The following EPN2 variants were observed in gnomAD, a reference collection of about 807,000 sequenced individuals.
The protein encoded by EPN2 is epsin 2.
Under a neutral mutation model 61.7 loss-of-function variants are expected in EPN2, and 34 were observed. That is an observed-to-expected ratio of 0.55 (90% CI 0.42 to 0.73). The LOEUF is 0.73. Among genes scored for constraint, EPN2 ranks in the 30% least tolerant of loss-of-function variants. The pLI is 0.00. For missense variants in EPN2, 714 were observed against 839.2 expected (o/e 0.85, Z 1.84); for synonymous variants, 349 against 353.6 (o/e 0.99, Z 0.15).
chr17:19,333,822 T>G, intron 10 of EPN2, 134 bp from the exon 11 acceptor site: 2 of 619,932 alleles, frequency 3.2e-6, no homozygotes, highest in Non-Finnish European at 5.4e-6. Context: ...GTGTCTGCCA[T>G]GGACTCGGCC....
intron 1 of EPN2, among the ~76,000 whole-genome samples, chr17:19,262,392 C>A (rs1419381534): frequency 6.6e-6 from 1 of 151,280 alleles, no homozygotes; most frequent in African/African-American, 2.4e-5. Context: ...GCAGGAGAAT[C>A]GCTTGGACCC....
intron 1 of EPN2, among the ~76,000 whole-genome samples, chr17:19,277,718 A>G (rs1277274167): frequency 6.6e-6 from 1 of 152,148 alleles, no homozygotes; most frequent in Non-Finnish European, 1.5e-5. Flanking sequence ...CGGTTGGAAT[A>G]ATTAGTTTCA....
chr17:19,304,890 G>A (rs778130585), intron 4 of EPN2, among the ~76,000 whole-genome samples: 9 of 152,136 alleles, frequency 5.9e-5, no homozygotes, highest in Non-Finnish European at 1.3e-4. Flanking sequence ...GTCTTCTCAC[G>A]CCCCCAAGGC....
At chr17:19,252,116 G>T (rs1353565698) in intron 1 of EPN2, among the ~76,000 whole-genome samples, 1 of 151,998 alleles carries the variant, frequency 6.6e-6, no homozygotes, top group African/African-American at 2.4e-5. Context: ...TTTGGATTTT[G>T]GATTTTCACA....
At position 19,313,225 on chromosome 17, in the gene EPN2, C is replaced by G. The variant is rs114905963; in HGVS notation, c.1093C>G (p.Pro365Ala). 11 of 1,598,250 alleles carry G rather than the reference C, an allele frequency of 6.9e-6. No homozygotes were observed. Among genetic ancestry groups the G allele is most frequent in the Non-Finnish European group, 8.5e-6 (10 of 1,174,698 alleles). The part of the protein sequence containing the change: ...GPSASTNQTN[P>A]WGGPAAPAST... ...GTCAGCCTCCACTAACCAGACCAAC[C>G]CCTGGGGCGGGCCAGCGGCTCCTGC... Residue 365 changes from proline (P) to alanine (A), a missense_variant, in exon 7 of 11, where the codon CCC becomes GCC. Coordinates refer to ENST00000314728, the MANE Select transcript of EPN2 (RefSeq NM_014964.5).
At chr17:19,248,398 G>C (rs1307503305) in intron 1 of EPN2, 1 of 152,182 alleles carries the variant, frequency 6.6e-6, no homozygotes, top group Admixed American at 6.5e-5. Flanking sequence ...GTTCTTATCT[G>C]TTCTCTCAAG....
chr17:19,328,250 A>C (rs1906987271), intron 7 of EPN2, among the ~76,000 whole-genome samples: 1 of 152,144 alleles, frequency 6.6e-6, no homozygotes. Flanking sequence ...CTCAAAGCAC[A>C]TGGGGAGAGG....
chr17:19,300,600 GT>G (rs1484793224), intron 4 of EPN2, among the ~76,000 whole-genome samples: 2 of 151,836 alleles, frequency 1.3e-5, no homozygotes, highest in African/African-American at 4.8e-5. Context: ...GGCTAATTTT[GT>G]ATTTTTAGTA....
intron 7 of EPN2, among the ~76,000 whole-genome samples, chr17:19,318,964 A>G (rs979980130): frequency 6.6e-6 from 1 of 152,150 alleles, no homozygotes. Flanking sequence ...TAGGAGGCCA[A>G]GTTTGGCAGA....
intron 1 of EPN2, among the ~76,000 whole-genome samples, chr17:19,244,733 TTA>T (rs1320797338): frequency 2.6e-5 from 4 of 152,182 alleles, no homozygotes; most frequent in Non-Finnish European, 5.9e-5. Context: ...GTGCGAGGCC[TTA>T]TATTACTAAT....
chr17:19,304,809 ACTAT>A (rs1905745861), intron 4 of EPN2, among the ~76,000 whole-genome samples: 2 of 152,104 alleles, frequency 1.3e-5, no homozygotes, highest in Admixed American at 1.3e-4. Flanking sequence ...TGCTCTTTCC[ACTAT>A]CTGGTCTTCC....
At chr17:19,304,778 G>T (rs76508304) in intron 4 of EPN2, among the ~76,000 whole-genome samples, 1,973 of 152,322 alleles carry the variant, frequency 0.013, 30 homozygotes, top group South Asian at 0.066. Flanking sequence ...TCAGCGGTGG[G>T]GACAAGATTT....
In EPN2 at chr17:19,299,239, C is replaced by T. The variant is rs185746447; in HGVS notation, c.767-10646C>T. Among the ~76,000 whole-genome samples the T allele has an allele frequency of 5.5e-3, 834 of 152,308 alleles. 2 individuals are homozygous for T. The highest frequency in any genetic ancestry group is 0.027 in the Middle Eastern group (8 of 294). ...GAGTTTCCTGTTTATAAGTATTACT[C>T]TAAGAAATTGTTGCAGGCATTTAAC... On this transcript the variant is annotated intron_variant, in intron 4 of 10. Coordinates refer to ENST00000314728, the MANE Select transcript of EPN2 (RefSeq NM_014964.5).
In EPN2 at chr17:19,308,369, C is replaced by T. The variant is rs367596171; in HGVS notation, c.767-1516C>T. The T allele has an allele frequency of 7.3e-5, 72 of 985,238 alleles. 1 individual carries two copies. The highest frequency in any genetic ancestry group is 2.3e-4 in the East Asian group (2 of 8,820). The allele number at this position is 985,238 out of a possible 1,614,324, so 61.0% of individuals were successfully genotyped here. On this transcript the variant is annotated intron_variant, in intron 4 of 10. Transcript: ENST00000314728. ...GATTACAGGCATAAGCCGCCATGCC[C>T]GGCACAATTAGAACATTTTAAAATG...
At chr17:19,237,588 TC>T (rs1422586537) in intron 1 of EPN2, 57 bp downstream of exon 1, 2 of 152,036 alleles carry the variant, frequency 1.3e-5, no homozygotes, top group Non-Finnish European at 2.9e-5. Context: ...GCGAGGACCC[TC>T]CCCCTCTCCA....
At chr17:19,292,524 T>C (rs1448923469) in intron 4 of EPN2, among the ~76,000 whole-genome samples, 1 of 152,246 alleles carries the variant, frequency 6.6e-6, no homozygotes, top group Non-Finnish European at 1.5e-5. Context: ...TAGCTTACTC[T>C]AGAGAGAGTT....
intron 10 of EPN2, among the ~76,000 whole-genome samples, chr17:19,332,514 G>A (rs1002583612): frequency 5.3e-5 from 8 of 152,150 alleles, no homozygotes; most frequent in Non-Finnish European, 1.0e-4. Flanking sequence ...TGGTGCCAGA[G>A]TCTGCCCCCT....
At chr17:19,267,191 C>T (rs2045208688) in intron 1 of EPN2, among the ~76,000 whole-genome samples, 1 of 151,682 alleles carries the variant, frequency 6.6e-6, no homozygotes, top group Non-Finnish European at 1.5e-5. Context: ...TAGGGAAATC[C>T]ATAGGGAGTA....
At chr17:19,328,916 C>T in intron 8 of EPN2, 29 bp downstream of exon 8, 5 of 1,588,310 alleles carry the variant, frequency 3.1e-6, no homozygotes, top group Non-Finnish European at 4.3e-6. Context: ...CACTTTCCTG[C>T]CTGGCCTCTG....
Sources: allele counts gnomAD v4.1 joint callset (sites outside exome capture counted in the v4.1 genomes callset), GRCh38; gene constraint gnomAD v4.1.1; transcripts MANE v1.5; gene names NCBI Gene and HGNC (gene_info 2026-07-23, HGNC 2026-07-21).